The following SPAG16 variants were observed in gnomAD, a reference collection of about 807,000 sequenced individuals.
SPAG16 encodes the protein sperm associated antigen 16, also known as sperm-associated antigen 16 protein.
Under a neutral mutation model 80.4 loss-of-function variants are expected in SPAG16, and 86 were observed. That is an observed-to-expected ratio of 1.07 (90% CI 0.90 to 1.28). The LOEUF (loss-of-function observed/expected upper bound fraction) is 1.28, where lower values mean the gene tolerates loss of function less well. Among genes scored for constraint, SPAG16 ranks in the 50% most tolerant of loss-of-function variants. The probability of loss-of-function intolerance (pLI) is 0.00; values close to 1 mark genes in which losing one functional copy is unlikely to be tolerated. For synonymous variants in SPAG16, 294 were observed against 265.9 expected (o/e 1.11, Z -1.03); for missense variants, 870 against 765.3 (o/e 1.14, Z -1.61).
chr2:213,308,426 A>AT (rs1174002248), intron 3 of SPAG16, among the ~76,000 whole-genome samples: 2 of 151,742 alleles, frequency 1.3e-5, no homozygotes, highest in Admixed American at 6.6e-5. Flanking sequence ...CAGATTTTGG[A>AT]TTTTTTTTCA....
chr2:214,212,428 T>C (rs1407404807), intron 15 of SPAG16, among the ~76,000 whole-genome samples: 2 of 152,208 alleles, frequency 1.3e-5, no homozygotes, highest in Middle Eastern at 3.4e-3. Flanking sequence ...TCCATCAATC[T>C]CTTTGCTTTC....
chr2:213,352,208 A>C (rs1010197481), intron 7 of SPAG16, among the ~76,000 whole-genome samples: 1 of 151,712 alleles, frequency 6.6e-6, no homozygotes, highest in African/African-American at 2.4e-5. Context: ...TTCTTTATAA[A>C]ATACCCAGTC....
intron 7 of SPAG16, among the ~76,000 whole-genome samples, chr2:213,357,476 C>T (rs759143318): frequency 1.3e-5 from 2 of 152,144 alleles, no homozygotes; most frequent in Non-Finnish European, 2.9e-5. Flanking sequence ...ATAGTTGGCT[C>T]TTCTTGTTGA....
chr2:213,445,416 C>G (rs754575633), intron 9 of SPAG16, among the ~76,000 whole-genome samples: 1 of 152,134 alleles, frequency 6.6e-6, no homozygotes, highest in Non-Finnish European at 1.5e-5. Context: ...GATCCCAGCA[C>G]TTTGGGATGC....
chr2:214,041,530 A>AT (rs150120684), intron 13 of SPAG16, among the ~76,000 whole-genome samples: 113 of 149,222 alleles, frequency 7.6e-4, no homozygotes, highest in South Asian at 6.6e-3. Context: ...TACAAAGTGC[A>AT]TTTTTTTTTA....
At chr2:213,681,812 A>C (rs749364321) in intron 10 of SPAG16, among the ~76,000 whole-genome samples, 1 of 152,182 alleles carries the variant, frequency 6.6e-6, no homozygotes, top group Non-Finnish European at 1.5e-5. Flanking sequence ...TTAACTACCA[A>C]GTCAAACTAG....
intron 10 of SPAG16, among the ~76,000 whole-genome samples, chr2:213,726,932 C>T (rs373056166): frequency 5.3e-5 from 8 of 152,144 alleles, no homozygotes; most frequent in African/African-American, 1.2e-4. Flanking sequence ...CATTCTACTC[C>T]GCAAATTTAA....
At chr2:213,431,280 A>G (rs2070280707) in intron 9 of SPAG16, among the ~76,000 whole-genome samples, 1 of 152,164 alleles carries the variant, frequency 6.6e-6, no homozygotes, top group African/African-American at 2.4e-5. Flanking sequence ...TTTGACAGTC[A>G]GAAAACCTCA....
chr2:214,055,932 T>C (rs1242184423), intron 13 of SPAG16, among the ~76,000 whole-genome samples: 1 of 152,160 alleles, frequency 6.6e-6, no homozygotes, highest in African/African-American at 2.4e-5. Flanking sequence ...TGGAAAATTT[T>C]TACCATGAAG....
intron 13 of SPAG16, among the ~76,000 whole-genome samples, chr2:214,067,461 T>G (rs1488863180): frequency 6.6e-6 from 1 of 152,100 alleles, no homozygotes; most frequent in Non-Finnish European, 1.5e-5. Context: ...ACTGCATGCA[T>G]AAAGCCAAAA....
intron 15 of SPAG16, among the ~76,000 whole-genome samples, chr2:214,202,195 G>A (rs560764084): frequency 1.1e-4 from 16 of 152,256 alleles, no homozygotes; most frequent in Non-Finnish European, 2.1e-4. Flanking sequence ...TGTGGGAGAC[G>A]TTACACCAAC....
intron 10 of SPAG16, among the ~76,000 whole-genome samples, chr2:213,703,695 G>A (rs2065607152): frequency 2.0e-5 from 3 of 152,150 alleles, no homozygotes; most frequent in Admixed American, 1.3e-4. Flanking sequence ...CAGCTTGAGC[G>A]GAGGTCATGC....
At chr2:213,944,632 T>A (rs1659324283) in intron 12 of SPAG16, among the ~76,000 whole-genome samples, 1 of 152,194 alleles carries the variant, frequency 6.6e-6, no homozygotes, top group South Asian at 2.1e-4. Flanking sequence ...TCTGTTGGCA[T>A]GGAATTAATG....
At chr2:213,920,854 C>T (rs2078188575) in intron 11 of SPAG16, among the ~76,000 whole-genome samples, 1 of 152,250 alleles carries the variant, frequency 6.6e-6, no homozygotes, top group Non-Finnish European at 1.5e-5. Context: ...ATCCTTTTGG[C>T]TCTGCATCAG....
At chr2:214,036,346 G>A (rs1322053494) in intron 13 of SPAG16, among the ~76,000 whole-genome samples, 2 of 152,130 alleles carry the variant, frequency 1.3e-5, no homozygotes, top group Non-Finnish European at 1.5e-5. Flanking sequence ...TAGCACTGGA[G>A]TCAGCCATTT....
At chr2:213,805,911 T>C (rs2125652460) in intron 10 of SPAG16, among the ~76,000 whole-genome samples, 1 of 152,356 alleles carries the variant, frequency 6.6e-6, no homozygotes, top group African/African-American at 2.4e-5. Context: ...TAGCAAATTA[T>C]AAATACCAGG....
In SPAG16 at chr2:213,649,422, T is replaced by C. The variant is rs2062944346; in HGVS notation, c.1070+159332T>C. Among the ~76,000 whole-genome samples, 3 of 152,258 alleles carry C rather than the reference T, an allele frequency of 2.0e-5. No homozygotes were observed. The South Asian group carries it at 6.2e-4, about 31-fold the overall frequency. ...GCTGTCGCAATGTTTGCAGTAGTTATGAATTATTTTTTTCTCAACTTATCA... is the reference window on the plus strand; with the variant it reads ...GCTGTCGCAATGTTTGCAGTAGTTACGAATTATTTTTTTCTCAACTTATCA... On this transcript the variant is annotated intron_variant, in intron 10 of 15. Coordinates refer to ENST00000331683, the MANE Select transcript of SPAG16 (RefSeq NM_024532.5).
intron 15 of SPAG16, among the ~76,000 whole-genome samples, chr2:214,190,455 T>C (rs561441395): frequency 4.0e-4 from 61 of 152,300 alleles, no homozygotes; most frequent in Admixed American, 8.5e-4. Flanking sequence ...AAATTATTTT[T>C]ATAAATTTAA....
intron 11 of SPAG16, among the ~76,000 whole-genome samples, chr2:213,925,557 G>A (rs752566753): frequency 1.3e-5 from 2 of 152,076 alleles, no homozygotes; most frequent in Admixed American, 1.3e-4. Flanking sequence ...TCACCATGTT[G>A]GCCAGGCTGG....
Sources: allele counts gnomAD v4.1 joint callset (sites outside exome capture counted in the v4.1 genomes callset), GRCh38; gene constraint gnomAD v4.1.1; transcripts MANE v1.5; gene names NCBI Gene and HGNC (gene_info 2026-07-23, HGNC 2026-07-21).